Variants in CNTNAP5 observed in about 807,000 individuals in gnomAD.
CNTNAP5 encodes contactin associated protein family member 5.
Under a neutral mutation model 150.2 loss-of-function variants are expected in CNTNAP5, and 72 were observed. The observed-to-expected ratio is 0.48, with a 90% CI of 0.40 to 0.58. The LOEUF (loss-of-function observed/expected upper bound fraction) is 0.58. CNTNAP5 is among the 20% of genes least tolerant of loss of function. The pLI, the probability that CNTNAP5 is intolerant of heterozygous loss-of-function variation, is 0.00. For missense variants in CNTNAP5, 1,636 were observed against 1,626.2 expected (o/e 1.01, Z -0.10); for synonymous variants, 672 against 619.8 (o/e 1.08, Z -1.25).
intron 3 of CNTNAP5, among the ~76,000 whole-genome samples, chr2:124,337,969 T>C (rs1689519163): frequency 6.6e-6 from 1 of 152,220 alleles, no homozygotes; most frequent in Admixed American, 6.5e-5. Context: ...TGTGGCCATT[T>C]TCATGATATT....
intron 11 of CNTNAP5, among the ~76,000 whole-genome samples, chr2:124,593,907 T>G (rs1212515893): frequency 1.2e-5 from 1 of 84,146 alleles, no homozygotes; most frequent in Non-Finnish European, 2.3e-5. Context: ...CATTTTTTCA[T>G]GTGTTTTTTG....
chr2:124,205,161 A>G (rs1464901488), intron 1 of CNTNAP5, among the ~76,000 whole-genome samples: 1 of 152,054 alleles, frequency 6.6e-6, no homozygotes, highest in Non-Finnish European at 1.5e-5. Flanking sequence ...CATAATACCC[A>G]TGTGTCATGG....
intron 13 of CNTNAP5, among the ~76,000 whole-genome samples, chr2:124,660,024 GAGGA>G (rs746322470): frequency 2.2e-5 from 3 of 133,926 alleles, no homozygotes; most frequent in East Asian, 2.2e-4. Flanking sequence ...AGGAAGAAAG[GAGGA>G]AGGAAGGAAG....
intron 19 of CNTNAP5, among the ~76,000 whole-genome samples, chr2:124,835,087 A>T (rs893446126): frequency 1.3e-5 from 2 of 152,094 alleles, no homozygotes; most frequent in Non-Finnish European, 2.9e-5. Flanking sequence ...AATGACTTTT[A>T]TCTAACTACC....
chr2:124,316,530 G>A (rs995082353), intron 3 of CNTNAP5, among the ~76,000 whole-genome samples: 2 of 152,054 alleles, frequency 1.3e-5, no homozygotes, highest in Non-Finnish European at 2.9e-5. Context: ...TCACAGCCGG[G>A]CACGGTGGCT....
At chr2:124,797,276 C>G (rs566265880) in intron 18 of CNTNAP5, among the ~76,000 whole-genome samples, 1 of 152,292 alleles carries the variant, frequency 6.6e-6, no homozygotes, top group East Asian at 1.9e-4. Context: ...AACATGGTAA[C>G]AGTTGGTGTG....
chr2:124,892,783 G>A (rs752549092), intron 21 of CNTNAP5, among the ~76,000 whole-genome samples: 9 of 152,200 alleles, frequency 5.9e-5, no homozygotes, highest in South Asian at 4.1e-4. Flanking sequence ...GATTTGAAGC[G>A]GGCTGCAAAA....
intron 3 of CNTNAP5, among the ~76,000 whole-genome samples, chr2:124,329,424 G>T (rs1689295638): frequency 6.6e-6 from 1 of 152,092 alleles, no homozygotes; most frequent in South Asian, 2.1e-4. Context: ...AGAGAAACAG[G>T]TGAAGGTGGG....
chr2:124,120,944 T>C (rs1040666958), intron 1 of CNTNAP5, among the ~76,000 whole-genome samples: 16 of 152,126 alleles, frequency 1.1e-4, no homozygotes, highest in Admixed American at 2.0e-4. Context: ...ATCTATTTTT[T>C]TGATGTTGTT....
intron 19 of CNTNAP5, among the ~76,000 whole-genome samples, chr2:124,853,803 C>T (rs1290750486): frequency 6.6e-6 from 1 of 152,166 alleles, no homozygotes; most frequent in Non-Finnish European, 1.5e-5. Context: ...TCCTCTCCCT[C>T]CTCTTAACCT....
At chr2:124,325,471 T>C (rs868850959) in intron 3 of CNTNAP5, among the ~76,000 whole-genome samples, 9 of 152,230 alleles carry the variant, frequency 5.9e-5, no homozygotes, top group Middle Eastern at 3.2e-3. Flanking sequence ...CGGAATTCTG[T>C]AAAAGCTTTA....
chr2:124,209,036 C>T (rs1198699542), intron 1 of CNTNAP5, among the ~76,000 whole-genome samples: 2 of 151,978 alleles, frequency 1.3e-5, no homozygotes, highest in Non-Finnish European at 2.9e-5. Flanking sequence ...AATGGATGGC[C>T]CCAATTTACC....
chr2:124,713,314 CTTTCCTTTCTTTCTTT>C (rs1679867027), intron 13 of CNTNAP5, among the ~76,000 whole-genome samples: 1 of 79,874 alleles, frequency 1.3e-5, no homozygotes, highest in African/African-American at 4.1e-5. Flanking sequence ...CTTTCTCTTT[CTTTCCTTTCTTTCTTT>C]CTTTCTTTCT....
At chr2:124,720,018 G>C (rs1164856419) in intron 13 of CNTNAP5, among the ~76,000 whole-genome samples, 3 of 152,130 alleles carry the variant, frequency 2.0e-5, no homozygotes, top group African/African-American at 7.2e-5. Flanking sequence ...GATTCTCTCA[G>C]AATTGAACTA....
chr2:124,844,801 C>T (rs1683014855), intron 19 of CNTNAP5, among the ~76,000 whole-genome samples: 1 of 151,986 alleles, frequency 6.6e-6, no homozygotes, highest in South Asian at 2.1e-4. Context: ...AGCAGAGCTA[C>T]TGATTTGTGT....
chr2:124,235,905 A>G (rs1032319564), intron 2 of CNTNAP5, among the ~76,000 whole-genome samples: 10 of 151,848 alleles, frequency 6.6e-5, no homozygotes, highest in Non-Finnish European at 8.8e-5. Context: ...CATTTTTGCA[A>G]CCCACATGGT....
intron 20 of CNTNAP5, 56 bp from the exon 21 acceptor site, chr2:124,869,619 A>G (rs1157672744): frequency 2.6e-6 from 3 of 1,155,448 alleles, no homozygotes; most frequent in African/African-American, 1.5e-5. Context: ...GGATCGTTTT[A>G]TGCTTCTTAC....
At position 124,647,776 on chromosome 2, in the gene CNTNAP5, C is replaced by T; in HGVS notation, c.1895C>T (p.Ser632Leu). Residue 632 changes from serine to leucine, a missense_variant, in exon 13 of 24, where the codon TCA (serine) becomes TTA (leucine). Coordinates refer to ENST00000682447, the MANE Select transcript of CNTNAP5 (RefSeq NM_001367498.1). ...TGGGCAGAGGACAAGATCTGGACAT[C>T]AGTGCAGCACAACAATACAGAGCTG... is the stretch of plus-strand genomic sequence containing the variant. ...CNITEDKIWT[S>L]VQHNNTELTR... 4.4e-6 allele frequency: 7 copies of T among 1,600,348 alleles called. No individual in the cohort carries two copies. The highest frequency in any genetic ancestry group is 6.0e-6 in the Non-Finnish European group (7 of 1,169,784).
At chr2:124,422,927 G>A (rs116528360) in intron 4 of CNTNAP5, among the ~76,000 whole-genome samples, 204 of 152,300 alleles carry the variant, frequency 1.3e-3, no homozygotes, top group Middle Eastern at 3.4e-3. Flanking sequence ...CTAGGCAAGC[G>A]TGATGAGGAA....
Sources: allele counts gnomAD v4.1 joint callset (sites outside exome capture counted in the v4.1 genomes callset), GRCh38; gene constraint gnomAD v4.1.1; transcripts MANE v1.5; gene names NCBI Gene and HGNC (gene_info 2026-07-23, HGNC 2026-07-21).